The following NBAS variants were observed in gnomAD, a reference collection of about 807,000 sequenced individuals.
NBAS encodes the protein NBAS subunit of NRZ tethering complex.
NBAS carries 219 observed loss-of-function variants against 302.5 expected under a neutral mutation model. The ratio of observed to expected loss-of-function variants is 0.72; its 90% CI spans 0.65 to 0.81. NBAS has a LOEUF of 0.81. Among genes scored for constraint, NBAS ranks in the 30% least tolerant of loss-of-function variants. NBAS has a pLI of 0.00. For missense variants in NBAS, 2,932 were observed against 2,841.6 expected (o/e 1.03, Z -0.72); for synonymous variants, 1,118 against 1,021.6 (o/e 1.09, Z -1.80).
the NBAS span, among the ~76,000 whole-genome samples, chr2:15,053,597 C>T: frequency 1.3e-5 from 2 of 152,094 alleles, no homozygotes; most frequent in Non-Finnish European, 2.9e-5. Context: ...ACTCTCCAGA[C>T]CTGAGTCCTC....
chr2:15,222,794 A>C (rs1032764477), intron 47 of NBAS, among the ~76,000 whole-genome samples: 1 of 152,246 alleles, frequency 6.6e-6, no homozygotes, highest in Non-Finnish European at 1.5e-5. Context: ...CAAACGGGCT[A>C]TTCCAGAACA....
intron 35 of NBAS, among the ~76,000 whole-genome samples, chr2:15,342,093 A>T (rs1414552907): frequency 6.6e-6 from 1 of 152,186 alleles, no homozygotes; most frequent in Non-Finnish European, 1.5e-5. Context: ...AAAGTTATAA[A>T]AATAAACCAC....
chr2:15,462,903 T>C (rs1187302232), intron 19 of NBAS, among the ~76,000 whole-genome samples: 1 of 152,016 alleles, frequency 6.6e-6, no homozygotes, highest in African/African-American at 2.4e-5. Flanking sequence ...GAAAAGTAGA[T>C]GGAGGAACAG....
At chr2:15,390,161 C>A (rs1179474977) in intron 28 of NBAS, among the ~76,000 whole-genome samples, 1 of 152,184 alleles carries the variant, frequency 6.6e-6, no homozygotes, top group African/African-American at 2.4e-5. Flanking sequence ...CTCACACATG[C>A]TGGAAAACCT....
chr2:15,496,549 T>C (rs2148624093), intron 11 of NBAS, among the ~76,000 whole-genome samples: 1 of 152,100 alleles, frequency 6.6e-6, no homozygotes, highest in East Asian at 1.9e-4. Flanking sequence ...ATTTCCTACA[T>C]CTGTATTATA....
chr2:15,126,212 A>G, the NBAS span, among the ~76,000 whole-genome samples: 1 of 152,040 alleles, frequency 6.6e-6, no homozygotes, highest in Non-Finnish European at 1.5e-5. Flanking sequence ...TGCTCTCCCC[A>G]TGTGACATGC....
At chr2:14,993,013 T>C in the NBAS span, among the ~76,000 whole-genome samples, 1 of 152,168 alleles carries the variant, frequency 6.6e-6, no homozygotes, top group Non-Finnish European at 1.5e-5. Flanking sequence ...TTTTATAATG[T>C]TTGTGAGAAA....
rs751637045 is a variant in NBAS at position 15,352,027 on chromosome 2, TGATATTTTCCCCTCCTTCATGATG to T, written c.4120_4143del (p.His1374_Ile1381del). 3 of 1,612,444 alleles carry T rather than the reference TGATATTTTCCCCTCCTTCATGATG, an allele frequency of 1.9e-6. No homozygotes were observed. Among genetic ancestry groups the T allele is most frequent in the Non-Finnish European group, 2.5e-6 (3 of 1,178,528 alleles). On this transcript the variant is annotated inframe_deletion, in exon 35 of 52. Coordinates refer to ENST00000281513, the MANE Select transcript of NBAS (RefSeq NM_015909.4). ...GCTTTACTAGTTAATGGTGAAGCACTGATATTTTCCCCTCCTTCATGATGGATCTGGAAATTCACTCTTTGATAA... is the reference window on the plus strand; with the variant it reads ...GCTTTACTAGTTAATGGTGAAGCACTGATCTGGAAATTCACTCTTTGATAA...
rs560828539 is a variant in NBAS at position 15,277,648 on chromosome 2, ATAAT to A, written c.5139-551_5139-548del. Reference sequence around the variant, plus strand: ...ATAAAAGAAAAATAGAAAAAGAGGGATAATTAAACTTTCACTTGGGTTATCTGCA... The same window carrying A: ...ATAAAAGAAAAATAGAAAAAGAGGGATAAACTTTCACTTGGGTTATCTGCA... On this transcript the variant is annotated intron_variant, in intron 42 of 51. Transcript: ENST00000281513. Among the ~76,000 whole-genome samples, 12 of 152,334 alleles carry A rather than the reference ATAAT, an allele frequency of 7.9e-5. No homozygotes were observed. The South Asian group carries it at 1.5e-3, about 18-fold the overall frequency.
At chr2:15,107,498 T>C in the NBAS span, among the ~76,000 whole-genome samples, 1 of 151,948 alleles carries the variant, frequency 6.6e-6, no homozygotes, top group South Asian at 2.1e-4. Context: ...TACTAAAAGG[T>C]AACAGGAATA....
chr2:14,820,276 C>T, the NBAS span, among the ~76,000 whole-genome samples: 1 of 152,080 alleles, frequency 6.6e-6, no homozygotes, highest in Non-Finnish European at 1.5e-5. Context: ...TGTTCATCAA[C>T]AAATGAATGG....
the NBAS span, among the ~76,000 whole-genome samples, chr2:15,062,562 T>G: frequency 6.6e-6 from 1 of 152,150 alleles, no homozygotes; most frequent in Non-Finnish European, 1.5e-5. Context: ...CTAAAGGGCA[T>G]GCAATCAAAA....
intron 49 of NBAS, 101 bp downstream of exon 49, chr2:15,190,163 T>A: frequency 1.5e-6 from 2 of 1,356,154 alleles, no homozygotes; most frequent in Non-Finnish European, 2.1e-6. Context: ...CGCACACACA[T>A]ATAATTATTC....
At chr2:15,177,566 T>A (rs1213707473) in intron 51 of NBAS, among the ~76,000 whole-genome samples, 1 of 152,198 alleles carries the variant, frequency 6.6e-6, no homozygotes, top group African/African-American at 2.4e-5. Flanking sequence ...TACATCACTG[T>A]TTTATTCTCA....
intron 47 of NBAS, among the ~76,000 whole-genome samples, chr2:15,223,236 AAC>A (rs1667025022): frequency 6.6e-6 from 1 of 152,210 alleles, no homozygotes; most frequent in African/African-American, 2.4e-5. Context: ...CAAATATACA[AAC>A]ACATACACAC....
chr2:15,539,265 CCT>C lies in NBAS; in HGVS notation c.469_470del (p.Arg157GlyfsTer3). ...GTTCACTTCCCATGAGATCAAACAC[CCT>C]CACAGTTCCTGTGCTTTCGGCATAG... Reference protein sequence around the residue: ...LAYAESTGTVRVFDLMGSELF... With the variant: ...LAYAESTGTVXVFDLMGSELF... On this transcript the variant is annotated frameshift_variant, in exon 7 of 52. Transcript: ENST00000281513. LOFTEE classifies it high-confidence loss of function. 6.2e-7 allele frequency: 1 copy of C among 1,614,212 alleles called. No homozygotes were observed. The highest frequency in any genetic ancestry group is 8.5e-7 in the Non-Finnish European group (1 of 1,180,050).
the NBAS span, among the ~76,000 whole-genome samples, chr2:15,075,295 T>G: frequency 6.6e-6 from 1 of 152,200 alleles, no homozygotes; most frequent in Non-Finnish European, 1.5e-5. Context: ...AGATCCATTC[T>G]CCACTCTGGT....
At chr2:14,939,620 C>G in the NBAS span, among the ~76,000 whole-genome samples, 1 of 152,224 alleles carries the variant, frequency 6.6e-6, no homozygotes, top group African/African-American at 2.4e-5. Flanking sequence ...TGCATTCTGC[C>G]TCTTGGCCTC....
intron 28 of NBAS, among the ~76,000 whole-genome samples, chr2:15,385,730 G>A (rs1675259230): frequency 6.6e-6 from 1 of 152,174 alleles, no homozygotes; most frequent in South Asian, 2.1e-4. Flanking sequence ...TATGGGTAGT[G>A]AAGGTCAAGC....
Sources: gnomAD v4.1 joint callset for allele counts (sites outside exome capture counted in the v4.1 genomes callset) on GRCh38, gnomAD v4.1.1 for gene constraint, MANE v1.5 for transcripts, NCBI Gene and HGNC (gene_info 2026-07-23, HGNC 2026-07-21) for gene names.